Variants in SLC35G1 observed in about 807,000 individuals in gnomAD.
SLC35G1 encodes partner of STIM1.
In SLC35G1, 10 loss-of-function variants were observed where a neutral mutation model predicts 17.1. The observed-to-expected ratio is 0.59, with a 90% CI of 0.36 to 0.99. The LOEUF (loss-of-function observed/expected upper bound fraction) is 0.99. SLC35G1 is among the 50% of genes least tolerant of loss of function. The probability of loss-of-function intolerance (pLI) is 0.01; values close to 1 mark genes in which losing one functional copy is unlikely to be tolerated. For synonymous variants in SLC35G1, 185 were observed against 181.1 expected (o/e 1.02, Z -0.18); for missense variants, 433 against 468.4 (o/e 0.92, Z 0.70).
chr10:93,895,564 G>A (rs963995249), intron 1 of SLC35G1, among the ~76,000 whole-genome samples: 3 of 152,124 alleles, frequency 2.0e-5, no homozygotes, highest in African/African-American at 7.2e-5. Flanking sequence ...GAATCTTGTG[G>A]GTGTTTAACT....
rs147718682 is a variant in SLC35G1, at chr10:93,898,268, C to G, written c.179-303C>G. On this transcript the variant is annotated intron_variant, in intron 1 of 2. Transcript: ENST00000427197. Reference sequence around the variant, plus strand: ...TGACAAGTGTTTCTTAAAGATTTCTCTCACCATCTTGGCAAGCGTTCTACT... The same window carrying G: ...TGACAAGTGTTTCTTAAAGATTTCTGTCACCATCTTGGCAAGCGTTCTACT... 4.4e-3 allele frequency among the ~76,000 whole-genome samples: 674 copies of G among 152,318 alleles called. 8 individuals carry two copies. Among genetic ancestry groups the G allele is most frequent in the African/African-American group, 0.015 (638 of 41,578 alleles).
Position 93,901,402 on chromosome 10 carries a change from C to T in SLC35G1, c.1010C>T (p.Pro337Leu), listed in dbSNP as rs1387023003. The T allele has an allele frequency of 1.2e-6, 2 of 1,614,024 alleles. No individual in the cohort carries two copies. The highest frequency in any genetic ancestry group is 1.7e-6 in the Non-Finnish European group (2 of 1,179,950). ...CAGATTATTTTCTTTAATAATGTGC[C>T]AACGTGGTGGACAGTGGGTGGTGCT... ...IFQIIFFNNV[P>L]TWWTVGGALC... The change falls in exon 3 of 3, where the codon CCA becomes CTA. Residue 337 changes from proline to leucine, a missense_variant. By Grantham distance (98) the Pro-to-Leu change is moderately conservative (BLOSUM62 -3). Transcript: ENST00000427197.
downstream of SLC35G1, chr10:93,907,932 A>C (rs1027704120): frequency 6.6e-6 from 1 of 152,252 alleles, no homozygotes; most frequent in African/African-American, 2.4e-5. Flanking sequence ...TCATACATAC[A>C]TACATGCATA....
At position 93,902,218 on chromosome 10, in the gene SLC35G1, A is replaced by G. The variant is rs2060395317; in HGVS notation, c.*728A>G. ...AGTGGCATTAGCAACTGCAGCTAGC[A>G]TACTATAATTTTAATTGTCCTCACT... On this transcript the variant is annotated 3_prime_UTR_variant, in exon 3 of 3. Transcript: ENST00000427197. The G allele has an allele frequency of 2.0e-5, 3 of 152,656 alleles. No homozygotes were observed. The South Asian group carries it at 6.2e-4, about 32-fold the overall frequency. The allele number at this position is 152,656 out of a possible 1,614,324, so 9.5% of individuals were successfully genotyped here.
At chr10:93,905,982 G>A (rs2060426006), downstream of SLC35G1, among the ~76,000 whole-genome samples, 1 of 152,104 alleles carries the variant, frequency 6.6e-6, no homozygotes, top group African/African-American at 2.4e-5. Flanking sequence ...CCAGAGGAGT[G>A]CATTACTAAC....
chr10:93,899,616 G>A (rs1464207014), intron 2 of SLC35G1, among the ~76,000 whole-genome samples: 1 of 152,118 alleles, frequency 6.6e-6, no homozygotes, highest in Non-Finnish European at 1.5e-5. Context: ...AAGTCTCCTT[G>A]TATCTCTAAC....
At position 93,893,981 on chromosome 10, in the gene SLC35G1, C is replaced by CGCT. The variant is rs1241134782; in HGVS notation, c.-45_-43dup. 13 of 1,306,306 alleles carry CGCT rather than the reference C, an allele frequency of 1.0e-5. No homozygotes were observed. Among genetic ancestry groups the CGCT allele is most frequent in the Non-Finnish European group, 1.3e-5 (13 of 1,024,230 alleles). The allele number at this position is 1,306,306 out of a possible 1,614,324, so 80.9% of individuals were successfully genotyped here. A position where few individuals can be genotyped will look rare whatever the true frequency, so the allele number is the denominator to read the frequency against. On this transcript the variant is annotated 5_prime_UTR_variant, in exon 1 of 3. Transcript: ENST00000427197. ...CCCGCCGGAAGAGCGGCAGCCCAGG[C>CGCT]GCTGCTGCTGGCGCCAGACGGCACC...
Position 93,901,633 on chromosome 10 carries a change from A to C in SLC35G1, c.*143A>C, listed in dbSNP as rs2060385892. ...CTAAAGTACCATTTTTGAATATAGT[A>C]TGTCTTTAGTTAAGAATAGCTAGTC... On this transcript the variant is annotated 3_prime_UTR_variant, in exon 3 of 3. Coordinates refer to ENST00000427197, the MANE Select transcript of SLC35G1 (RefSeq NM_001134658.3). 1 of 941,906 alleles carries C rather than the reference A, an allele frequency of 1.1e-6. No homozygotes were observed. The allele number at this position is 941,906 out of a possible 1,614,324, so 58.3% of individuals were successfully genotyped here.
At chr10:93,898,548 A>C (rs201117137) in intron 1 of SLC35G1, 23 bp from the exon 2 acceptor site, 19 of 1,590,920 alleles carry the variant, frequency 1.2e-5, no homozygotes, top group Non-Finnish European at 1.5e-5. Context: ...AGCAAGGACT[A>C]ACCAGAATTT....
At chr10:93,904,559 C>T (rs764970311), downstream of SLC35G1, among the ~76,000 whole-genome samples, 3 of 152,202 alleles carry the variant, frequency 2.0e-5, no homozygotes, top group Non-Finnish European at 4.4e-5. Flanking sequence ...CCCTCTAAGG[C>T]CTGTTAGCCT....
rs771055220 is a variant in SLC35G1, at chr10:93,901,371, A to G, written c.979A>G (p.Ile327Val). The change falls in exon 3 of 3, where the codon ATC becomes GTC. Residue 327 changes from isoleucine (I) to valine (V), a missense_variant. Transcript: ENST00000427197. ...GACAATGGATGTGGTCTTTGCTTTTATCTTTCAGATTATTTTCTTTAATAA... is the reference window on the plus strand; with the variant it reads ...GACAATGGATGTGGTCTTTGCTTTTGTCTTTCAGATTATTTTCTTTAATAA... ...MKTMDVVFAFIFQIIFFNNVP... is the reference protein window; with the variant it reads ...MKTMDVVFAFVFQIIFFNNVP... 8.1e-6 allele frequency: 13 copies of G among 1,613,940 alleles called. No homozygotes were observed. The highest frequency in any genetic ancestry group is 1.1e-5 in the Non-Finnish European group (13 of 1,179,950).
intron 2 of SLC35G1, 39 bp from the exon 3 acceptor site, chr10:93,900,709 TATTA>T (rs1317429947): frequency 1.0e-4 from 150 of 1,453,558 alleles, no homozygotes; most frequent in Non-Finnish European, 1.3e-4. Flanking sequence ...TAAAAACAAA[TATTA>T]ATTTCATTTA....
chr10:93,898,830 C>A, intron 2 of SLC35G1, 79 bp downstream of exon 2: 1 of 1,368,714 alleles, frequency 7.3e-7, no homozygotes, highest in African/African-American at 1.5e-5. Context: ...ATTACTCTAT[C>A]TGCTTTATCC....
downstream of SLC35G1, among the ~76,000 whole-genome samples, chr10:93,904,710 C>G (rs1048222077): frequency 1.3e-5 from 2 of 152,162 alleles, no homozygotes; most frequent in Admixed American, 1.3e-4. Flanking sequence ...CTGGACAAAT[C>G]ACCTAATGCA....
At chr10:93,899,025 C>G (rs1319510054) in intron 2 of SLC35G1, among the ~76,000 whole-genome samples, 1 of 152,134 alleles carries the variant, frequency 6.6e-6, no homozygotes, top group Non-Finnish European at 1.5e-5. Context: ...TTCCTCTTGT[C>G]TTGTATCACC....
At position 93,894,184 on chromosome 10, in the gene SLC35G1, T is replaced by C. The variant is rs749763673; in HGVS notation, c.151T>C (p.Ser51Pro). 7 of 1,449,040 alleles carry C rather than the reference T, an allele frequency of 4.8e-6. No individual in the cohort carries two copies. The highest frequency in any genetic ancestry group is 2.6e-5 in the Admixed American group (1 of 37,770). 89.8% of individuals were successfully genotyped at this position (1,449,040 alleles called of 1,614,324 possible). ...DRGRCWLCLS[S>P]PCCSRTEPEA... is the part of the protein sequence containing the mutation. ...CGGTAGGTGCTGGCTCTGCCTTTCC[T>C]CGCCGTGTTGCTCCCGCACCGAGCC... The change falls in exon 1 of 3, where the codon TCG becomes CCG. Residue 51 changes from serine (S) to proline (P), a missense_variant. Physicochemically the swap from Ser to Pro is moderately conservative, Grantham distance 74 (BLOSUM62 -1). Coordinates refer to ENST00000427197, the MANE Select transcript of SLC35G1 (RefSeq NM_001134658.3).
In SLC35G1 at chr10:93,901,420, G is replaced by T. The variant is rs1259041868; in HGVS notation, c.1028G>T (p.Gly343Val). 6.8e-6 allele frequency: 11 copies of T among 1,613,954 alleles called. No individual in the cohort carries two copies. Among genetic ancestry groups the T allele is most frequent in the South Asian group, 1.1e-5 (1 of 91,032 alleles). ...FNNVPTWWTV[G>V]GALCVVASNV... ...AATGTGCCAACGTGGTGGACAGTGGGTGGTGCTCTCTGCGTAGTAGCCAGT... is the reference window on the plus strand; with the variant it reads ...AATGTGCCAACGTGGTGGACAGTGGTTGGTGCTCTCTGCGTAGTAGCCAGT... The change falls in exon 3 of 3, where the codon GGT becomes GTT. Residue 343 changes from glycine to valine, a missense_variant. Coordinates refer to ENST00000427197, the MANE Select transcript of SLC35G1 (RefSeq NM_001134658.3).
downstream of SLC35G1, chr10:93,908,099 C>T (rs1049969704): frequency 6.6e-6 from 1 of 152,170 alleles, no homozygotes; most frequent in Non-Finnish European, 1.5e-5. Context: ...CTGAAGTTCA[C>T]CTTTTTAATA....
At chr10:93,908,695 T>C (rs1173608431), downstream of SLC35G1, 2 of 152,202 alleles carry the variant, frequency 1.3e-5, no homozygotes, top group African/African-American at 4.8e-5. Context: ...CACCAAATAT[T>C]GTCAAGCCCT....
Sources: gnomAD v4.1 joint callset for allele counts (sites outside exome capture counted in the v4.1 genomes callset) on GRCh38, gnomAD v4.1.1 for gene constraint, MANE v1.5 for transcripts, NCBI Gene and HGNC (gene_info 2026-07-23, HGNC 2026-07-21) for gene names.